SPG11: variants seen among roughly 807,000 people sequenced by gnomAD.
SPG11 encodes the protein spatacsin.
In SPG11, 222 loss-of-function variants were observed where a neutral mutation model predicts 274.0. That is an observed-to-expected ratio of 0.81 (90% CI 0.73 to 0.91). The LOEUF (loss-of-function observed/expected upper bound fraction) is 0.91, where lower values mean the gene tolerates loss of function less well. Ranked by LOEUF, SPG11 falls within the 40% of genes least tolerant of loss-of-function variation. SPG11 has a pLI of 0.00. For synonymous variants in SPG11, 1,144 were observed against 1,039.7 expected, an observed-to-expected ratio of 1.10 and a Z score of -1.93; for missense variants, 3,114 against 2,872.7, an observed-to-expected ratio of 1.08 and a Z score of -1.92.
chr15:44,657,635 T>G (rs369655989), intron 3 of SPG11, among the ~76,000 whole-genome samples: 6 of 152,228 alleles, frequency 3.9e-5, no homozygotes, highest in African/African-American at 1.4e-4. Context: ...ATTATCAACA[T>G]GCAGTCAGTA....
In SPG11 at chr15:44,598,253, C is replaced by G; in HGVS notation, c.4001+12G>C. ...CTTGTTAGAAAAGAGGCTGAGACTG[C>G]AACTCACAAACCTCTTTATTTCCTG... is the stretch of plus-strand genomic sequence containing the variant. On this transcript the variant is annotated intron_variant, in intron 23 of 39. Coordinates refer to ENST00000261866, the MANE Select transcript of SPG11 (RefSeq NM_025137.4). 6.3e-7 allele frequency: 1 copy of G among 1,591,924 alleles called. No individual in the cohort carries two copies. Among genetic ancestry groups the G allele is most frequent in the African/African-American group, 1.3e-5 (1 of 74,656 alleles).
chr15:44,621,617 T>G, intron 14 of SPG11, 142 bp downstream of exon 14: 1 of 805,024 alleles, frequency 1.2e-6, no homozygotes, highest in Non-Finnish European at 2.0e-6. Flanking sequence ...GAGATCTTAA[T>G]GCAACGACTT....
intron 7 of SPG11, among the ~76,000 whole-genome samples, chr15:44,637,935 G>A (rs2084326205): frequency 6.6e-6 from 1 of 152,194 alleles, no homozygotes; most frequent in Non-Finnish European, 1.5e-5. Context: ...ACAAGATGTA[G>A]AGGTGGAAGA....
At chr15:44,589,742 G>A (rs1469442556) in intron 27 of SPG11, among the ~76,000 whole-genome samples, 1 of 152,204 alleles carries the variant, frequency 6.6e-6, no homozygotes, top group Non-Finnish European at 1.5e-5. Context: ...CTTAGTGACT[G>A]TCAAATTAAT....
intron 7 of SPG11, among the ~76,000 whole-genome samples, chr15:44,635,216 A>AAAAAAC (rs953450058): frequency 4.6e-5 from 7 of 151,910 alleles, no homozygotes; most frequent in African/African-American, 7.3e-5. Flanking sequence ...ATGCTGTCTC[A>AAAAAAC]AAAAACAAAA....
chr15:44,594,495 C>G (rs1018524503), intron 26 of SPG11, among the ~76,000 whole-genome samples: 8 of 151,276 alleles, frequency 5.3e-5, no homozygotes, highest in Non-Finnish European at 1.2e-4. Context: ...CCTGTAATCC[C>G]AGTGCTCTGG....
At chr15:44,614,484 A>C (rs993215669) in intron 16 of SPG11, among the ~76,000 whole-genome samples, 7 of 152,188 alleles carry the variant, frequency 4.6e-5, no homozygotes, top group African/African-American at 7.2e-5. Flanking sequence ...TTGGCCTCCC[A>C]AAGTGCTGGG....
chr15:44,623,968 C>A (rs2083825585), intron 11 of SPG11, among the ~76,000 whole-genome samples: 1 of 152,046 alleles, frequency 6.6e-6, no homozygotes, highest in East Asian at 1.9e-4. Context: ...CCACGTTGGC[C>A]AGACTGGTCT....
At chr15:44,615,640 T>C in intron 15 of SPG11, 74 bp from the exon 16 acceptor site, 2 of 1,278,796 alleles carry the variant, frequency 1.6e-6, no homozygotes, top group Non-Finnish European at 2.3e-6. Flanking sequence ...GCCCACAGTT[T>C]AGGTCTCAAT....
chr15:44,596,646 G>A, intron 24 of SPG11, 138 bp downstream of exon 24: 5 of 619,068 alleles, frequency 8.1e-6, no homozygotes, highest in Non-Finnish European at 1.2e-5. Flanking sequence ...CATGTATCCA[G>A]TACGTATCCT....
At chr15:44,648,595 C>T (rs1337871375) in intron 7 of SPG11, among the ~76,000 whole-genome samples, 3 of 151,374 alleles carry the variant, frequency 2.0e-5, no homozygotes, top group Non-Finnish European at 4.4e-5. Context: ...AGCTTATTTC[C>T]ACTTCATTTA....
intron 30 of SPG11, among the ~76,000 whole-genome samples, chr15:44,582,670 G>C (rs1156892832): frequency 6.6e-6 from 1 of 151,946 alleles, no homozygotes; most frequent in Non-Finnish European, 1.5e-5. Flanking sequence ...TAACGCACCA[G>C]GCCCAAATTG....
intron 12 of SPG11, 48 bp downstream of exon 12, chr15:44,622,680 C>A (rs201037065): frequency 1.5e-5 from 22 of 1,468,930 alleles, no homozygotes; most frequent in Non-Finnish European, 2.1e-5. Flanking sequence ...AAGTTTTTCA[C>A]CCAGGCTTTC....
intron 7 of SPG11, among the ~76,000 whole-genome samples, chr15:44,637,475 G>T (rs1238142408): frequency 6.6e-6 from 1 of 152,060 alleles, no homozygotes; most frequent in Admixed American, 6.6e-5. Context: ...ACCATACCCG[G>T]CTAATTTTTT....
chr15:44,605,671 G>A (rs961989196), intron 20 of SPG11, among the ~76,000 whole-genome samples: 2 of 152,140 alleles, frequency 1.3e-5, no homozygotes, highest in African/African-American at 4.8e-5. Flanking sequence ...ACATGACCAA[G>A]GTCATACAGG....
rs1465468992 is a variant in SPG11, at chr15:44,663,400, G to C, written c.248C>G (p.Pro83Arg). 6.2e-7 allele frequency: 1 copy of C among 1,607,592 alleles called. No homozygotes were observed. Among genetic ancestry groups the C allele is most frequent in the East Asian group, 2.2e-5 (1 of 44,486 alleles). ...RGGGRCCLEG[P>R]FWHFLWEDSR... ...CTCCCTCAGCACTTACTGCCAGAAG[G>C]GGCCCTCCAGGCAGCAGCGACCCCC... Residue 83 changes from proline (P) to arginine (R), a missense_variant, in exon 1 of 40, where the codon CCC becomes CGC. Coordinates refer to ENST00000261866, the MANE Select transcript of SPG11 (RefSeq NM_025137.4).
intron 28 of SPG11, 83 bp downstream of exon 28, chr15:44,589,169 T>G (rs887620056): frequency 6.9e-7 from 1 of 1,442,358 alleles, no homozygotes; most frequent in Non-Finnish European, 9.7e-7. Flanking sequence ...TGCATTTTAA[T>G]TTCCTAACTA....
Position 44,598,674 on chromosome 15 carries a change from G to A in SPG11, c.3849C>T (p.Cys1283=), listed in dbSNP as rs2083106252. 33 of 1,614,026 alleles carry A rather than the reference G, an allele frequency of 2.0e-5. No homozygotes were observed. Among genetic ancestry groups the A allele is most frequent in the Non-Finnish European group, 2.8e-5 (33 of 1,180,022 alleles). The change falls in exon 22 of 40, where the codon TGC becomes TGT. Residue 1283 remains cysteine (C), a synonymous_variant. Coordinates refer to ENST00000261866, the MANE Select transcript of SPG11 (RefSeq NM_025137.4). ...KVANIILSYK[C]RNEDAQYSFI... ...AGCTGTACTGAGCATCTTCATTTCT[G>A]CACTTGTAGCTCAAAATTATATTGG... is the stretch of plus-strand genomic sequence containing the variant.
At chr15:44,607,125 T>C (rs2083341232) in intron 19 of SPG11, among the ~76,000 whole-genome samples, 1 of 152,156 alleles carries the variant, frequency 6.6e-6, no homozygotes, top group African/African-American at 2.4e-5. Context: ...AACTAAACAG[T>C]GTACTTAGGG....
Sources: gnomAD v4.1 joint callset for allele counts (sites outside exome capture counted in the v4.1 genomes callset) on GRCh38, gnomAD v4.1.1 for gene constraint, MANE v1.5 for transcripts, NCBI Gene and HGNC (gene_info 2026-07-23, HGNC 2026-07-21) for gene names.